RABL2B: variants seen among roughly 807,000 people sequenced by gnomAD.
RABL2B encodes rab-like protein 2B.
A neutral mutation model predicts 26.7 loss-of-function variants in RABL2B; 17 were observed. The ratio of observed to expected loss-of-function variants is 0.64; its 90% confidence interval spans 0.44 to 0.95. The LOEUF is 0.95. Ranked by LOEUF, RABL2B falls within the 40% of genes least tolerant of loss-of-function variation. RABL2B has a pLI of 0.00. For synonymous variants in RABL2B, 70 were observed against 103.9 expected (o/e 0.67, Z 1.99); for missense variants, 170 against 277.2 (o/e 0.61, Z 2.75).
rs2086233639 is a variant in RABL2B, at chr22:50,783,626, A to G, written c.-179T>C. 6.6e-6 allele frequency: 1 copy of G among 152,614 alleles called. No individual in the cohort carries two copies. Among genetic ancestry groups the G allele is most frequent in the Non-Finnish European group, 1.5e-5 (1 of 68,392 alleles). The allele number at this position is 152,614 out of a possible 1,614,324, so 9.5% of individuals were successfully genotyped here. A position where few individuals can be genotyped will look rare whatever the true frequency, so the allele number is the denominator to read the frequency against. On this transcript the variant is annotated 5_prime_UTR_variant, in exon 1 of 9. Coordinates refer to ENST00000691320, the MANE Select transcript of RABL2B (RefSeq NM_001130919.3). ...GCCGGCCCAGCTCGCGCCGCAGCGC[A>G]CTCCACTTCCGGCTCGGCCCGCGTC...
intron 6 of RABL2B, 105 bp downstream of exon 6, chr22:50,769,800 G>A (rs2083870853): frequency 8.9e-7 from 1 of 1,119,272 alleles, no homozygotes; most frequent in Non-Finnish European, 1.3e-6. Context: ...ATCGTGGGAG[G>A]GAGGACCAAT....
chr22:50,778,826 G>A (rs369451539), intron 2 of RABL2B, among the ~76,000 whole-genome samples: 303 of 147,904 alleles, frequency 2.0e-3, no homozygotes, highest in African/African-American at 7.0e-3. Context: ...CGTTTTGAAG[G>A]GTCACTGCTT....
At chr22:50,778,012 G>A in intron 2 of RABL2B, 31 bp from the exon 3 acceptor site, 2 of 1,613,994 alleles carry the variant, frequency 1.2e-6, no homozygotes, top group Non-Finnish European at 1.7e-6. Context: ...GTGGTCAGAT[G>A]GCGTCTCCAT....
In RABL2B at chr22:50,767,986, G is replaced by A. The variant is rs1345718561; in HGVS notation, c.*790C>T. 2 of 309,248 alleles carry A rather than the reference G, an allele frequency of 6.5e-6. No individual in the cohort carries two copies. The highest frequency in any genetic ancestry group is 4.6e-5 in the African/African-American group (2 of 43,232). 19.2% of individuals were successfully genotyped at this position (309,248 alleles called of 1,614,324 possible). A position where few individuals can be genotyped will look rare whatever the true frequency, so the allele number is the denominator to read the frequency against. On this transcript the variant is annotated 3_prime_UTR_variant, in exon 9 of 9. Coordinates refer to ENST00000691320, the MANE Select transcript of RABL2B (RefSeq NM_001130919.3). ...ACAGATGATTGGGGCCGGGCGCGGT[G>A]GCTCATGCCTGTAATCCCAGCACTT...
intron 5 of RABL2B, among the ~76,000 whole-genome samples, chr22:50,774,708 C>A (rs1214028254): frequency 6.6e-6 from 1 of 150,924 alleles, no homozygotes; most frequent in African/African-American, 2.4e-5. Context: ...CACTTGGTGA[C>A]AATTGCTAGG....
chr22:50,777,691 A>G, intron 3 of RABL2B: 1 of 581,866 alleles, frequency 1.7e-6, no homozygotes, highest in South Asian at 1.8e-5. Context: ...CATTAGATCC[A>G]AACCATTTGC....
intron 2 of RABL2B, among the ~76,000 whole-genome samples, chr22:50,778,932 T>TATA (rs1204748926): frequency 6.7e-6 from 1 of 150,310 alleles, no homozygotes; most frequent in Admixed American, 6.7e-5. Context: ...TATTTATAAC[T>TATA]ATAAAGAAAC....
Sources: allele counts gnomAD v4.1 joint callset (sites outside exome capture counted in the v4.1 genomes callset), GRCh38; gene constraint gnomAD v4.1.1; transcripts MANE v1.5; gene names NCBI Gene and HGNC (gene_info 2026-07-23, HGNC 2026-07-21).